The following EIF4A2 variants were observed in gnomAD, a reference collection of about 807,000 sequenced individuals.
EIF4A2 encodes eukaryotic translation initiation factor 4A2, also known as eukaryotic initiation factor 4A-II.
In EIF4A2, 9 loss-of-function variants were observed where a neutral mutation model predicts 50.6. That is an observed-to-expected ratio of 0.18 (90% CI 0.11 to 0.31). The LOEUF is 0.31. EIF4A2 is among the 10% of genes least tolerant of loss of function. EIF4A2 has a pLI of 1.00. For missense variants in EIF4A2, 182 were observed against 501.8 expected, an observed-to-expected ratio of 0.36 and a Z score of 6.09; for synonymous variants, 215 against 164.4, an observed-to-expected ratio of 1.31 and a Z score of -2.35.
intron 9 of EIF4A2, 33 bp downstream of exon 9, chr3:186,787,617 A>C (rs1429983457): frequency 6.2e-7 from 1 of 1,613,382 alleles, no homozygotes; most frequent in Admixed American, 1.7e-5. Context: ...AAAATCTACC[A>C]AAAGTTAGCT....
chr3:186,788,581 C>T (rs1186722876), intron 10 of EIF4A2: 5 of 422,880 alleles, frequency 1.2e-5, no homozygotes, highest in East Asian at 8.2e-5. Context: ...CAGTTAAACA[C>T]GTTTAGAGTA....
intron 10 of EIF4A2, 128 bp downstream of exon 10, chr3:186,788,010 A>G (rs1442576990): frequency 9.6e-7 from 1 of 1,037,896 alleles, no homozygotes; most frequent in Admixed American, 2.6e-5. Context: ...AAGATGATGT[A>G]ATTAAATTTG....
rs1256957209 is a variant in EIF4A2 at position 186,784,479 on chromosome 3, T to G, written c.75+2T>G. ...ATGGACCCCGATGGTGTCATCGAGG[T>G]AAGAAACGGTTGTGGATCTTGAAGC... On this transcript the variant is annotated splice_donor_variant, in intron 2 of 10. Coordinates refer to ENST00000323963, the MANE Select transcript of EIF4A2 (RefSeq NM_001967.4). LOFTEE classifies it high-confidence loss of function. 1 of 1,614,200 alleles carries G rather than the reference T, an allele frequency of 6.2e-7. No homozygotes were observed.
chr3:186,789,871 T>C lies in EIF4A2; in HGVS notation c.*602T>C. 1.3e-6 allele frequency: 1 copy of C among 786,452 alleles called. No homozygotes were observed. The highest frequency in any genetic ancestry group is 2.1e-6 in the Non-Finnish European group (1 of 487,182). The allele number at this position is 786,452 out of a possible 1,614,324, so 48.7% of individuals were successfully genotyped here. On this transcript the variant is annotated 3_prime_UTR_variant, in exon 11 of 11. Coordinates refer to ENST00000323963, the MANE Select transcript of EIF4A2 (RefSeq NM_001967.4). ...CACATGTCTTAATGAAGTTTGAATGTTAAATAAATTGTATATTCACTTTAA... is the reference window on the plus strand; with the variant it reads ...CACATGTCTTAATGAAGTTTGAATGCTAAATAAATTGTATATTCACTTTAA...
In EIF4A2 at chr3:186,786,650, CTG is replaced by C. The variant is rs767590752; in HGVS notation, c.771+7_771+8del. 8 of 1,613,612 alleles carry C rather than the reference CTG, an allele frequency of 5.0e-6. No homozygotes were observed. The African/African-American group carries it at 1.1e-4, about 22-fold the overall frequency. ...TATATTAATGTTGAGAGAGAGGTAA[CTG>C]TCTGATTGTTAGACATTATTTTACC... On this transcript the variant is annotated splice_donor_region_variant and intron_variant, in intron 7 of 10. Transcript: ENST00000323963.
At position 186,783,586 on chromosome 3, in the gene EIF4A2, C is replaced by T. The variant is rs374423216; in HGVS notation, c.-25C>T. ...GGTTGGGCGCCGCTGTCTTTTCAGT[C>T]GGGCGCTGAGTGGTTTTTCGGATCA... is the stretch of plus-strand genomic sequence containing the variant. On this transcript the variant is annotated 5_prime_UTR_variant, in exon 1 of 11. Coordinates refer to ENST00000323963, the MANE Select transcript of EIF4A2 (RefSeq NM_001967.4). 20 of 1,614,096 alleles carry T rather than the reference C, an allele frequency of 1.2e-5. No homozygotes were observed. The highest frequency in any genetic ancestry group is 3.3e-4 in the Middle Eastern group (2 of 6,054).
chr3:186,789,326 A>G lies in EIF4A2; in HGVS notation c.*57A>G, dbSNP rs1721986981. The G allele has an allele frequency of 4.5e-6, 7 of 1,555,404 alleles. No individual in the cohort carries two copies. The highest frequency in any genetic ancestry group is 3.8e-5 in the Admixed American group (2 of 52,398). ...CGCTGTTGCTGAATAGGCGATCACA[A>G]CGTGCATTGTGCTTCTTTCTTTGGG... On this transcript the variant is annotated 3_prime_UTR_variant, in exon 11 of 11. Coordinates refer to ENST00000323963, the MANE Select transcript of EIF4A2 (RefSeq NM_001967.4).
chr3:186,787,783 A>G lies in EIF4A2; in HGVS notation c.1000-20A>G, dbSNP rs898164263. 1 of 1,613,894 alleles carries G rather than the reference A, an allele frequency of 6.2e-7. No homozygotes were observed. The highest frequency in any genetic ancestry group is 1.3e-5 in the African/African-American group (1 of 74,912). On this transcript the variant is annotated intron_variant, in intron 9 of 10. Coordinates refer to ENST00000323963, the MANE Select transcript of EIF4A2 (RefSeq NM_001967.4). ...CAAGTTTTTTTGAATCAATTTTTAA[A>G]ACATGCCATTGTGTTTCAGGCTCGC...
At chr3:186,785,240 T>C (rs1292357851) in intron 4 of EIF4A2, 139 bp downstream of exon 4, 12 of 1,301,480 alleles carry the variant, frequency 9.2e-6, no homozygotes, top group Non-Finnish European at 1.3e-5. Context: ...CAGGGAGTTT[T>C]TGTTGAAAGT....
At chr3:186,787,617 A>G in intron 9 of EIF4A2, 33 bp downstream of exon 9, 6 of 1,613,382 alleles carry the variant, frequency 3.7e-6, no homozygotes, top group Non-Finnish European at 4.2e-6. Context: ...AAAATCTACC[A>G]AAAGTTAGCT....
intron 1 of EIF4A2, chr3:186,784,198 T>C: frequency 1.7e-6 from 1 of 595,432 alleles, no homozygotes; most frequent in Admixed American, 3.2e-5. Context: ...CGCGAGACGC[T>C]CCGCAGTTGA....
Position 186,789,879 on chromosome 3 carries a change from AT to A in EIF4A2, c.*612del. On this transcript the variant is annotated 3_prime_UTR_variant, in exon 11 of 11. Transcript: ENST00000323963. ...TTAATGAAGTTTGAATGTTAAATAA[AT>A]TGTATATTCACTTTAAAGGTGCTTT... 1.2e-6 allele frequency: 1 copy of A among 818,110 alleles called. No homozygotes were observed. 50.7% of individuals were successfully genotyped at this position (818,110 alleles called of 1,614,324 possible).
intron 1 of EIF4A2, 109 bp downstream of exon 1, chr3:186,783,748 T>G (rs760354785): frequency 2.9e-4 from 459 of 1,556,484 alleles, no homozygotes; most frequent in Non-Finnish European, 4.0e-4. Flanking sequence ...GACGTTTTCT[T>G]AGGGTACAGC....
intron 10 of EIF4A2, 110 bp from the exon 11 acceptor site, chr3:186,789,015 A>AC: frequency 6.9e-7 from 1 of 1,446,044 alleles, no homozygotes; most frequent in Non-Finnish European, 9.2e-7. Context: ...AGAAGCACGA[A>AC]CTATAACCTT....
Position 186,787,845 on chromosome 3 carries a change from T to C in EIF4A2, c.1042T>C (p.Tyr348His). Reference sequence around the variant, plus strand: ...GCAACAAGTGTCTTTGGTTATAAATTATGATCTACCTACCAATCGTGAAAA... The same window carrying C: ...GCAACAAGTGTCTTTGGTTATAAATCATGATCTACCTACCAATCGTGAAAA... ...DVQQVSLVIN[Y>H]DLPTNRENYI... Residue 348 changes from tyrosine to histidine, a missense_variant, in exon 10 of 11, where the codon TAT becomes CAT. Transcript: ENST00000323963. The C allele has an allele frequency of 6.2e-7, 1 of 1,613,894 alleles. No individual in the cohort carries two copies. Among genetic ancestry groups the C allele is most frequent in the Non-Finnish European group, 8.5e-7 (1 of 1,179,964 alleles).
At chr3:186,784,407 C>CT (rs1560083456) in intron 1 of EIF4A2, 25 bp from the exon 2 acceptor site, 16 of 1,614,172 alleles carry the variant, frequency 9.9e-6, no homozygotes, top group Non-Finnish European at 1.2e-5. Context: ...GAAGGGGTGT[C>CT]TGACTGCAGT....
intron 1 of EIF4A2, chr3:186,784,077 G>A (rs1301436834): frequency 4.3e-6 from 2 of 464,060 alleles, no homozygotes; most frequent in Admixed American, 3.8e-5. Context: ...GAGGCGACGG[G>A]ACAGGACCGG....
In EIF4A2 at chr3:186,786,550, A is replaced by C; in HGVS notation, c.676A>C (p.Lys226Gln). The C allele has an allele frequency of 6.2e-7, 1 of 1,613,224 alleles. No individual in the cohort carries two copies. The highest frequency in any genetic ancestry group is 8.5e-7 in the Non-Finnish European group (1 of 1,179,976). ...TMPTDVLEVT[K>Q]KFMRDPIRIL... The stretch of plus-strand genomic sequence containing the variant: ...GCCAACTGATGTGTTGGAAGTGACC[A>C]AAAAATTCATGAGAGATCCAATTCG... The change falls in exon 7 of 11, where the codon AAA (lysine) becomes CAA (glutamine). Residue 226 changes from lysine to glutamine, a missense_variant. This residue lies in a region of EIF4A2 where 113 missense variants were observed against 357.3 expected (regional missense o/e 0.32). Transcript: ENST00000323963.
chr3:186,785,541 C>G (rs985045255), intron 4 of EIF4A2: 4 of 309,594 alleles, frequency 1.3e-5, no homozygotes, highest in African/African-American at 4.2e-5. Context: ...GCACAATACC[C>G]TCTGGGGGAA....
Sources: allele counts gnomAD v4.1 joint callset, GRCh38; gene constraint gnomAD v4.1.1; regional missense constraint gnomAD v4.1.1; transcripts MANE v1.5; gene names NCBI Gene and HGNC (gene_info 2026-07-23, HGNC 2026-07-21).